The following KIF15 variants were observed in gnomAD, a reference collection of about 807,000 sequenced individuals.
KIF15 encodes kinesin family member 15.
In KIF15, 140 loss-of-function variants were observed where a neutral mutation model predicts 190.6. The ratio of observed to expected loss-of-function variants is 0.73; its 90% CI spans 0.64 to 0.84. KIF15 has a LOEUF of 0.84. KIF15 is among the 40% of genes least tolerant of loss of function. The probability of loss-of-function intolerance (pLI) is 0.00; values close to 1 mark genes in which losing one functional copy is unlikely to be tolerated. For synonymous variants in KIF15, 528 were observed against 551.3 expected (o/e 0.96, Z 0.59); for missense variants, 1,372 against 1,584.4 (o/e 0.87, Z 2.28).
chr3:44,780,969 T>C, intron 5 of KIF15, 47 bp downstream of exon 5: 4 of 1,350,598 alleles, frequency 3.0e-6, no homozygotes, highest in East Asian at 4.7e-5. Flanking sequence ...CTTTCTGTGA[T>C]AACAGTAACC....
Position 44,800,531 on chromosome 3 carries a change from C to T in KIF15, c.1222+94C>T. 2.2e-6 allele frequency: 3 copies of T among 1,379,466 alleles called. No individual in the cohort carries two copies. The Admixed American group carries it at 6.9e-5, about 32-fold the overall frequency. The allele number at this position is 1,379,466 out of a possible 1,614,324, so 85.5% of individuals were successfully genotyped here. On this transcript the variant is annotated intron_variant, in intron 11 of 34. Transcript: ENST00000326047. ...ATAGACACAACACAATAAGGCAACCCAAATTTTTCTGCAGGTATCTCTTTC... is the reference window on the plus strand; with the variant it reads ...ATAGACACAACACAATAAGGCAACCTAAATTTTTCTGCAGGTATCTCTTTC...
intron 6 of KIF15, among the ~76,000 whole-genome samples, chr3:44,867,491 C>T (rs1699333737): frequency 6.6e-6 from 1 of 152,196 alleles, no homozygotes; most frequent in African/African-American, 2.4e-5. Flanking sequence ...TGGTCGGCCT[C>T]CCTGGGCAGT....
At chr3:44,779,221 A>AG (rs1706050943) in intron 4 of KIF15, among the ~76,000 whole-genome samples, 1 of 151,756 alleles carries the variant, frequency 6.6e-6, no homozygotes, top group Non-Finnish European at 1.5e-5. Context: ...GCCCCTTCTT[A>AG]CTTTATGATG....
At chr3:44,864,168 CGTGGCTGCA>C in intron 6 of KIF15, 3 of 1,612,360 alleles carry the variant, frequency 1.9e-6, no homozygotes, top group Non-Finnish European at 2.5e-6. Flanking sequence ...CCAGGGTGGA[CGTGGCTGCA>C]GTGACACTTT....
intron 1 of KIF15, among the ~76,000 whole-genome samples, chr3:44,773,148 A>C (rs965310366): frequency 6.7e-6 from 1 of 148,234 alleles, no homozygotes; most frequent in African/African-American, 2.5e-5. Flanking sequence ...AAAAAAAAAA[A>C]ACAACAACAA....
At chr3:44,864,387 T>G in intron 6 of KIF15, 3 of 1,612,152 alleles carry the variant, frequency 1.9e-6, no homozygotes, top group Non-Finnish European at 2.5e-6. Context: ...AAATCTGGGT[T>G]CTGGGTGAGT....
chr3:44,817,960 C>T (rs1708100287), intron 20 of KIF15, among the ~76,000 whole-genome samples: 1 of 152,130 alleles, frequency 6.6e-6, no homozygotes, highest in African/African-American at 2.4e-5. Context: ...TCCTTCACAT[C>T]CCTTGTAAGT....
intron 8 of KIF15, 61 bp downstream of exon 8, chr3:44,794,487 C>T (rs1417906782): frequency 1.5e-5 from 19 of 1,251,680 alleles, no homozygotes; most frequent in Admixed American, 6.5e-5. Flanking sequence ...TCAATACAGT[C>T]GTGATGCATG....
At chr3:44,769,455 C>T (rs545590338) in intron 1 of KIF15, among the ~76,000 whole-genome samples, 10 of 152,294 alleles carry the variant, frequency 6.6e-5, no homozygotes, top group South Asian at 2.1e-4. Flanking sequence ...AATGTCAAAG[C>T]GGCTTTCCCC....
chr3:44,784,996 T>A, intron 6 of KIF15, 54 bp downstream of exon 6: 1 of 881,198 alleles, frequency 1.1e-6, no homozygotes, highest in Non-Finnish European at 1.8e-6. Flanking sequence ...TTTGAATAGG[T>A]AGCTACTGAT....
intron 12 of KIF15, 89 bp downstream of exon 12, chr3:44,801,615 A>G: frequency 2.0e-6 from 2 of 985,748 alleles, no homozygotes; most frequent in South Asian, 1.5e-5. Context: ...GAAATAAATA[A>G]TACCAAGTCA....
chr3:44,777,098 G>A lies in KIF15; in HGVS notation c.247-1017G>A, dbSNP rs148928246. ...GCCTCCCAAGTAGCTGTGATTACAG[G>A]CATATGCCACTATGCTTGGCTAATT... On this transcript the variant is annotated intron_variant, in intron 3 of 34. Coordinates refer to ENST00000326047, the MANE Select transcript of KIF15 (RefSeq NM_020242.3). Among the ~76,000 whole-genome samples the A allele has an allele frequency of 3.3e-5, 5 of 150,538 alleles. No individual in the cohort carries two copies. The East Asian group carries it at 9.8e-4, about 30-fold the overall frequency.
chr3:44,769,768 T>C (rs916307579), intron 1 of KIF15, among the ~76,000 whole-genome samples: 9 of 152,270 alleles, frequency 5.9e-5, no homozygotes, highest in East Asian at 1.9e-4. Context: ...TATCATAAGC[T>C]GAATGCTAAG....
intron 27 of KIF15, 112 bp downstream of exon 27, chr3:44,838,533 A>C: frequency 9.5e-7 from 1 of 1,050,502 alleles, no homozygotes; most frequent in South Asian, 1.8e-5. Context: ...ACTTGAAGTC[A>C]GGAGTTCAAG....
chr3:44,829,816 TTA>T (rs927271011), intron 24 of KIF15, among the ~76,000 whole-genome samples, 153 bp from the exon 25 acceptor site: 23 of 144,996 alleles, frequency 1.6e-4, no homozygotes, highest in Admixed American at 1.5e-3. Context: ...TGTATATATA[TTA>T]TATATATAAA....
At position 44,838,209 on chromosome 3, in the gene KIF15, G is replaced by A. The variant is rs930512251; in HGVS notation, c.3172-66G>A. 2.7e-6 allele frequency: 4 copies of A among 1,494,438 alleles called. No homozygotes were observed. In the African/African-American group the frequency reaches 4.2e-5, roughly 16 times the overall value. The allele number at this position is 1,494,438 out of a possible 1,614,324, so 92.6% of individuals were successfully genotyped here. A position where few individuals can be genotyped will look rare whatever the true frequency, so the allele number is the denominator to read the frequency against. On this transcript the variant is annotated intron_variant, in intron 26 of 34. Transcript: ENST00000326047. ...CTTAGTCTGTTAAAAGTTGTACATA[G>A]TAATGATTTGGGAATCCTTATTGGA...
intron 6 of KIF15, among the ~76,000 whole-genome samples, chr3:44,868,448 T>A (rs1699343665): frequency 6.6e-6 from 1 of 152,222 alleles, no homozygotes; most frequent in South Asian, 2.1e-4. Flanking sequence ...GTGTACACGT[T>A]TTTGTGTGAA....
intron 20 of KIF15, among the ~76,000 whole-genome samples, chr3:44,817,422 G>C (rs1359860744): frequency 6.6e-6 from 1 of 152,182 alleles, no homozygotes; most frequent in Non-Finnish European, 1.5e-5. Flanking sequence ...TTTGTATAAA[G>C]TGTAAGGAAG....
intron 30 of KIF15, among the ~76,000 whole-genome samples, chr3:44,847,761 T>C (rs923225379): frequency 2.0e-5 from 3 of 152,260 alleles, no homozygotes; most frequent in South Asian, 4.1e-4. Flanking sequence ...TCATCTTGCT[T>C]TTGTACTGGG....
Sources: gnomAD v4.1 joint callset for allele counts (sites outside exome capture counted in the v4.1 genomes callset) on GRCh38, gnomAD v4.1.1 for gene constraint, MANE v1.5 for transcripts, NCBI Gene and HGNC (gene_info 2026-07-23, HGNC 2026-07-21) for gene names.